The following HEATR4 variants were observed in gnomAD, a reference collection of about 807,000 sequenced individuals.
HEATR4 encodes the protein HEAT repeat containing 4.
In HEATR4, 95 loss-of-function variants were observed where a neutral mutation model predicts 108.8. The observed-to-expected ratio is 0.87, with a 90% CI of 0.74 to 1.04. The LOEUF is 1.04. HEATR4 is among the 50% of genes least tolerant of loss of function. HEATR4 has a pLI of 0.00. For missense variants in HEATR4, 1,152 were observed against 1,253.8 expected, an observed-to-expected ratio of 0.92 and a Z score of 1.23; for synonymous variants, 443 against 459.4, an observed-to-expected ratio of 0.96 and a Z score of 0.46.
the HEATR4 span, chr14:73,592,305 C>T: frequency 7.9e-5 from 128 of 1,611,532 alleles, 1 homozygote; most frequent in East Asian, 2.5e-3. Flanking sequence ...CGACCCCGAG[C>T]CTGGACGGCT....
chr14:73,489,373 G>A (rs933958093), intron 17 of HEATR4, among the ~76,000 whole-genome samples: 13 of 152,190 alleles, frequency 8.5e-5, no homozygotes, highest in African/African-American at 2.4e-5. Context: ...CTTGGCAAGT[G>A]TTTGGATAGG....
At chr14:73,575,178 G>A in the HEATR4 span, 1 of 1,128,964 alleles carries the variant, frequency 8.9e-7, no homozygotes, top group Non-Finnish European at 1.2e-6. Context: ...CTTCATTCCT[G>A]TGGAAAGGGC....
chr14:73,524,310 A>AAAAAAAATATATATATATATATATATAT, intron 2 of HEATR4, among the ~76,000 whole-genome samples: 1 of 54,788 alleles, frequency 1.8e-5, no homozygotes, highest in African/African-American at 8.8e-5. Flanking sequence ...AAAAAAAAAA[A>AAAAAAAATATATATATATATATATATAT]ATATATATAT....
rs770738708 is a variant in HEATR4, at chr14:73,522,911, C to T, written c.242G>A (p.Arg81Gln). The T allele has an allele frequency of 1.1e-5, 18 of 1,614,060 alleles. No homozygotes were observed. Among genetic ancestry groups the T allele is most frequent in the African/African-American group, 4.0e-5 (3 of 74,924 alleles). Reference protein sequence around the residue: ...LTFSQEVVWQRGLPSIPYSQY... With the variant: ...LTFSQEVVWQQGLPSIPYSQY... Reference sequence around the variant, plus strand: ...GCTATAAGGAATGCTGGGCAGGCCTCGCTGCCACACCACCTCCTGAGAGAA... The same window carrying T: ...GCTATAAGGAATGCTGGGCAGGCCTTGCTGCCACACCACCTCCTGAGAGAA... The change falls in exon 3 of 18, where the codon CGA becomes CAA. Residue 81 changes from arginine to glutamine, a missense_variant. Coordinates refer to ENST00000553558, the MANE Select transcript of HEATR4 (RefSeq NM_001220484.1).
chr14:73,600,166 G>A, the HEATR4 span, among the ~76,000 whole-genome samples: 1 of 152,102 alleles, frequency 6.6e-6, no homozygotes, highest in African/African-American at 2.4e-5. Flanking sequence ...GGGAAAATGT[G>A]GCACACAGCT....
At chr14:73,590,108 C>T in the HEATR4 span, among the ~76,000 whole-genome samples, 1 of 152,156 alleles carries the variant, frequency 6.6e-6, no homozygotes, top group Non-Finnish European at 1.5e-5. Context: ...CAACAAGTTG[C>T]CACTGCTAGC....
At chr14:73,600,452 ATTTTC>A in the HEATR4 span, among the ~76,000 whole-genome samples, 1 of 151,444 alleles carries the variant, frequency 6.6e-6, no homozygotes, top group Non-Finnish European at 1.5e-5. Flanking sequence ...AGCCAGAACA[ATTTTC>A]TTTTTTTTTC....
the HEATR4 span, among the ~76,000 whole-genome samples, chr14:73,576,005 T>C: frequency 1.3e-5 from 2 of 149,600 alleles, no homozygotes; most frequent in East Asian, 3.9e-4. Context: ...TACAAAAAAT[T>C]AGCCAGGCGT....
Position 73,542,732 on chromosome 14 carries a change from A to T in HEATR4, c.-151-12488T>A, listed in dbSNP as rs1333491462. On this transcript the variant is annotated intron_variant, in intron 1 of 17. Coordinates refer to ENST00000553558, the MANE Select transcript of HEATR4 (RefSeq NM_001220484.1). ...TGAGATGACGTACTTGTTGATGACG[A>T]CTCAGTTTAGTTATGACAGTGGGAA... 1.1e-4 allele frequency among the ~76,000 whole-genome samples: 12 copies of T among 111,430 alleles called. 5 individuals are homozygous for T. Among genetic ancestry groups the T allele is most frequent in the Non-Finnish European group, 2.3e-4 (12 of 52,096 alleles). The allele number at this position is 111,430 out of a possible 152,430, so 73.1% of individuals were successfully genotyped here.
At position 73,537,797 on chromosome 14, in the gene HEATR4, G is replaced by T. The variant is rs746571011; in HGVS notation, c.-151-7553C>A. On this transcript the variant is annotated intron_variant, in intron 1 of 17. Coordinates refer to ENST00000553558, the MANE Select transcript of HEATR4 (RefSeq NM_001220484.1). ...GCGGCTGCTGTGCCGGGTGCGGCAC[G>T]AGCGCTACTTCCTCCCGCCCGGGGT... is the stretch of plus-strand genomic sequence containing the variant. 1.6e-6 allele frequency: 2 copies of T among 1,223,152 alleles called. 1 individual carries two copies. 75.8% of individuals were successfully genotyped at this position (1,223,152 alleles called of 1,614,324 possible). A position where few individuals can be genotyped will look rare whatever the true frequency, so the allele number is the denominator to read the frequency against.
chr14:73,511,560 T>TAAATAAATAAATAAATAAATA (rs371768614), intron 7 of HEATR4, among the ~76,000 whole-genome samples: 1 of 88,966 alleles, frequency 1.1e-5, no homozygotes, highest in Non-Finnish European at 2.5e-5. Context: ...AATAAATAAA[T>TAAATAAATAAATAAATAAATA]AAATAAAATA....
chr14:73,592,269 G>A, the HEATR4 span: 6 of 1,613,046 alleles, frequency 3.7e-6, no homozygotes, highest in East Asian at 1.1e-4. Context: ...TCCTTTTGTC[G>A]TGGAGTTGGA....
chr14:73,491,550 A>T, intron 17 of HEATR4: 1 of 1,534,758 alleles, frequency 6.5e-7, no homozygotes, highest in Non-Finnish European at 8.7e-7. Flanking sequence ...ACGGGTGGGG[A>T]GCCGGCCTGG....
the HEATR4 span, among the ~76,000 whole-genome samples, chr14:73,565,868 G>C: frequency 1.3e-5 from 2 of 152,110 alleles, no homozygotes; most frequent in African/African-American, 4.8e-5. Context: ...GTGGAAGGGG[G>C]ACCCCAGCGG....
At chr14:73,605,510 T>C in the HEATR4 span, among the ~76,000 whole-genome samples, 1 of 149,176 alleles carries the variant, frequency 6.7e-6, no homozygotes, top group Non-Finnish European at 1.5e-5. Context: ...AACCACAAGA[T>C]TAGAAATCAT....
rs149999443 is a variant in HEATR4, at chr14:73,534,767, G to A, written c.-151-4523C>T. Among the ~76,000 whole-genome samples the A allele has an allele frequency of 1.9e-3, 210 of 111,180 alleles. 1 individual carries two copies. The highest frequency in any genetic ancestry group is 6.0e-3 in the African/African-American group (206 of 34,464). 72.9% of individuals were successfully genotyped at this position (111,180 alleles called of 152,430 possible). A position where few individuals can be genotyped will look rare whatever the true frequency, so the allele number is the denominator to read the frequency against. On this transcript the variant is annotated intron_variant, in intron 1 of 17. Coordinates refer to ENST00000553558, the MANE Select transcript of HEATR4 (RefSeq NM_001220484.1). ...AAGAAACAACAGTTTGAAATAGTTA[G>A]ATGTGTGTTTTTTTTAATTTTCATG...
chr14:73,491,507 CCTGCGACGGCGT>C lies in HEATR4; in HGVS notation c.2844+1547_2844+1558del, dbSNP rs538565606. ...AGCGGCCGTCCAGTCGTCCGGGGCCCCTGCGACGGCGTCGGGGCCGCAGGTGGATAACACGGG... is the reference window on the plus strand; with the variant it reads ...AGCGGCCGTCCAGTCGTCCGGGGCCCCGGGGCCGCAGGTGGATAACACGGG... On this transcript the variant is annotated intron_variant, in intron 17 of 17. Transcript: ENST00000553558. 2,089 of 1,515,122 alleles carry C rather than the reference CCTGCGACGGCGT, an allele frequency of 1.4e-3. 28 individuals carry two copies. The African/African-American group carries it at 0.026, about 19-fold the overall frequency. 93.9% of individuals were successfully genotyped at this position (1,515,122 alleles called of 1,614,324 possible).
chr14:73,523,326 G>T (rs556158046), intron 2 of HEATR4, 102 bp from the exon 3 acceptor site: 7 of 606,882 alleles, frequency 1.2e-5, no homozygotes, highest in Non-Finnish European at 2.0e-5. Context: ...AGATGGAAAG[G>T]GGGTGGGGAA....
At chr14:73,518,982 C>T in intron 5 of HEATR4, 41 bp downstream of exon 5, 7 of 1,575,396 alleles carry the variant, frequency 4.4e-6, no homozygotes, top group Non-Finnish European at 6.0e-6. Flanking sequence ...AGCCACATTC[C>T]CGTTATTAAC....
Sources: allele counts gnomAD v4.1 joint callset (sites outside exome capture counted in the v4.1 genomes callset), GRCh38; gene constraint gnomAD v4.1.1; transcripts MANE v1.5; gene names NCBI Gene and HGNC (gene_info 2026-07-23, HGNC 2026-07-21).